The following SPIDR variants were observed in gnomAD, a reference collection of about 807,000 sequenced individuals.
The protein encoded by SPIDR is DNA repair-scaffolding protein.
In SPIDR, 93 loss-of-function variants were observed where a neutral mutation model predicts 104.6. The observed-to-expected ratio is 0.89, with a 90% CI of 0.75 to 1.06. SPIDR has a LOEUF of 1.06. Among genes scored for constraint, SPIDR ranks in the 50% least tolerant of loss-of-function variants. SPIDR has a pLI of 0.00. For missense variants in SPIDR, 1,154 were observed against 1,111.2 expected, an observed-to-expected ratio of 1.04 and a Z score of -0.55; for synonymous variants, 431 against 416.9, an observed-to-expected ratio of 1.03 and a Z score of -0.41.
intron 8 of SPIDR, among the ~76,000 whole-genome samples, chr8:47,541,755 T>C (rs917278523): frequency 6.6e-6 from 1 of 152,024 alleles, no homozygotes; most frequent in Non-Finnish European, 1.5e-5. Flanking sequence ...AAAAATTAGC[T>C]GAGTTTGGTG....
At chr8:47,323,008 C>A (rs1554597583) in intron 5 of SPIDR, among the ~76,000 whole-genome samples, 2 of 151,684 alleles carry the variant, frequency 1.3e-5, no homozygotes, top group African/African-American at 4.9e-5. Context: ...TTACTGTGTG[C>A]AGCAGACCAA....
chr8:47,501,180 A>G (rs1564154995), intron 8 of SPIDR, among the ~76,000 whole-genome samples: 1 of 152,326 alleles, frequency 6.6e-6, no homozygotes, highest in East Asian at 1.9e-4. Context: ...TTCTGTGAAG[A>G]AAGTCATTGG....
At chr8:47,294,067 A>G in intron 5 of SPIDR, 37 bp downstream of exon 5, 1 of 1,575,806 alleles carries the variant, frequency 6.3e-7, no homozygotes, top group Non-Finnish European at 8.6e-7. Flanking sequence ...TATTCACTTT[A>G]TAACATTTGC....
At chr8:47,474,469 A>G (rs1586327159) in intron 8 of SPIDR, among the ~76,000 whole-genome samples, 2 of 152,222 alleles carry the variant, frequency 1.3e-5, no homozygotes, top group African/African-American at 4.8e-5. Flanking sequence ...CCCAGTCACA[A>G]CATCTCACTC....
At chr8:47,280,511 G>C (rs2037547653) in intron 2 of SPIDR, among the ~76,000 whole-genome samples, 1 of 151,638 alleles carries the variant, frequency 6.6e-6, no homozygotes, top group African/African-American at 2.4e-5. Context: ...TCCTGCCTCA[G>C]CCTCTCGAAT....
intron 8 of SPIDR, among the ~76,000 whole-genome samples, chr8:47,530,587 A>G (rs1243221248): frequency 2.0e-5 from 3 of 152,220 alleles, no homozygotes; most frequent in Admixed American, 6.5e-5. Context: ...TGGAGCTTGC[A>G]GGACTGGAAG....
At chr8:47,609,265 T>TAATAATAATAA (rs2063336937) in intron 10 of SPIDR, among the ~76,000 whole-genome samples, 1 of 152,208 alleles carries the variant, frequency 6.6e-6, no homozygotes, top group African/African-American at 2.4e-5. Flanking sequence ...TTTGTCATTT[T>TAATAATAATAA]TGTTATTATT....
At chr8:47,386,240 T>C (rs1231822192) in intron 5 of SPIDR, among the ~76,000 whole-genome samples, 3 of 152,178 alleles carry the variant, frequency 2.0e-5, no homozygotes, top group Non-Finnish European at 4.4e-5. Context: ...AAGCTTTTAA[T>C]AACTATAGTT....
intron 10 of SPIDR, among the ~76,000 whole-genome samples, chr8:47,602,457 C>T (rs2062412856): frequency 6.6e-6 from 1 of 152,178 alleles, no homozygotes; most frequent in Admixed American, 6.5e-5. Flanking sequence ...TGTGTGTTTT[C>T]TGTGAAGTCC....
In SPIDR at chr8:47,442,397, T is replaced by C. The variant is rs551730692; in HGVS notation, c.1097+1855T>C. Among the ~76,000 whole-genome samples the C allele has an allele frequency of 2.6e-5, 4 of 152,364 alleles. No homozygotes were observed. The South Asian group carries it at 6.2e-4, about 24-fold the overall frequency. On this transcript the variant is annotated intron_variant, in intron 8 of 19. Transcript: ENST00000297423. ...TGTAATCCTGCCTATTTTTCTATAATAAGTTTAGGTTTAACTTACTAGATT... is the reference window on the plus strand; with the variant it reads ...TGTAATCCTGCCTATTTTTCTATAACAAGTTTAGGTTTAACTTACTAGATT...
intron 8 of SPIDR, among the ~76,000 whole-genome samples, chr8:47,506,855 G>A (rs748649847): frequency 1.2e-4 from 19 of 152,074 alleles, no homozygotes; most frequent in African/African-American, 3.6e-4. Context: ...TGTAGCAGGC[G>A]GTCCCTCCAA....
intron 11 of SPIDR, among the ~76,000 whole-genome samples, chr8:47,687,671 G>A (rs1182704635): frequency 6.6e-6 from 1 of 152,200 alleles, no homozygotes; most frequent in African/African-American, 2.4e-5. Flanking sequence ...GTATCCAGAA[G>A]CCACCTGCTG....
chr8:47,600,399 T>A (rs1238738922), intron 10 of SPIDR, among the ~76,000 whole-genome samples: 1 of 152,184 alleles, frequency 6.6e-6, no homozygotes, highest in Non-Finnish European at 1.5e-5. Flanking sequence ...TGCCTTCTGA[T>A]GCCAGAGAGA....
At chr8:47,639,810 T>G (rs1763017347) in intron 10 of SPIDR, among the ~76,000 whole-genome samples, 3 of 151,826 alleles carry the variant, frequency 2.0e-5, no homozygotes, top group Admixed American at 2.0e-4. Flanking sequence ...TAGCCGGGCT[T>G]GATGTTGCAC....
chr8:47,538,080 C>A (rs2087271236), intron 8 of SPIDR, among the ~76,000 whole-genome samples: 1 of 152,104 alleles, frequency 6.6e-6, no homozygotes, highest in African/African-American at 2.4e-5. Context: ...GAGGCTGAGA[C>A]AGGAGAATTG....
At chr8:47,270,952 C>T (rs1586111323) in intron 1 of SPIDR, among the ~76,000 whole-genome samples, 2 of 151,996 alleles carry the variant, frequency 1.3e-5, no homozygotes, top group Non-Finnish European at 2.9e-5. Context: ...TTAAATTTAT[C>T]GAAGCTTGAG....
At chr8:47,506,755 A>G (rs2081547868) in intron 8 of SPIDR, among the ~76,000 whole-genome samples, 1 of 152,222 alleles carries the variant, frequency 6.6e-6, no homozygotes, top group African/African-American at 2.4e-5. Flanking sequence ...AGTGAAGACA[A>G]AACCAAACCT....
At chr8:47,486,032 G>C (rs1280719548) in intron 8 of SPIDR, among the ~76,000 whole-genome samples, 4 of 152,196 alleles carry the variant, frequency 2.6e-5, no homozygotes, top group Non-Finnish European at 5.9e-5. Context: ...AGAGATGAAG[G>C]CTTCAGATGA....
At chr8:47,331,965 CTTTTTTTTTTTTTTTTTTTTTCTCT>C (rs1220114004) in intron 5 of SPIDR, among the ~76,000 whole-genome samples, 898 of 32,714 alleles carry the variant, frequency 0.027, 6 homozygotes, top group South Asian at 0.13. Flanking sequence ...TTTTTTTAAA[CTTTTTTTTTTTTTTTTTTTTTCTCT>C]TTTTTTTTTT....
Sources: allele counts gnomAD v4.1 joint callset (sites outside exome capture counted in the v4.1 genomes callset), GRCh38; gene constraint gnomAD v4.1.1; transcripts MANE v1.5; gene names NCBI Gene and HGNC (gene_info 2026-07-23, HGNC 2026-07-21).